MYBL2: variants seen among roughly 807,000 people sequenced by gnomAD.
The protein encoded by MYBL2 is myb-related protein B.
In MYBL2, 28 loss-of-function variants were observed where a neutral mutation model predicts 79.9. The ratio of observed to expected loss-of-function variants is 0.35; its 90% CI spans 0.26 to 0.48. MYBL2 has a LOEUF of 0.48. Among genes scored for constraint, MYBL2 ranks in the 20% least tolerant of loss-of-function variants. The probability of loss-of-function intolerance (pLI) is 0.99; values close to 1 mark genes in which losing one functional copy is unlikely to be tolerated. For missense variants in MYBL2, 735 were observed against 893.9 expected (o/e 0.82, Z 2.27); for synonymous variants, 378 against 361.2 (o/e 1.05, Z -0.53).
chr20:43,715,808 A>G (rs1403999353), intron 13 of MYBL2, 151 bp from the exon 14 acceptor site: 1 of 1,142,514 alleles, frequency 8.8e-7, no homozygotes, highest in Non-Finnish European at 1.2e-6. Context: ...TGACTTGTCC[A>G]GGGTCACAGG....
rs376622875 is a variant in MYBL2 at position 43,713,009 on chromosome 20, G to A, written c.1727G>A (p.Arg576Gln). Residue 576 changes from arginine (R) to glutamine (Q), a missense_variant, in exon 12 of 14, where the codon CGG becomes CAG. This residue lies in a region of MYBL2 where 204 missense variants were observed against 202.9 expected (regional missense o/e 1.01). Coordinates refer to ENST00000217026, the MANE Select transcript of MYBL2 (RefSeq NM_002466.4). ...CTATCTGCCAACCCCTAGCTGCGGC[G>A]GAGCCCCATCAAGAAAGTCCGGAAG... ...EKQKRKPGLR[R>Q]SPIKKVRKSL... The A allele has an allele frequency of 5.7e-5, 92 of 1,610,350 alleles. No individual in the cohort carries two copies. The highest frequency in any genetic ancestry group is 7.1e-5 in the Non-Finnish European group (84 of 1,178,204).
At chr20:43,683,437 C>G (rs1001183569) in intron 4 of MYBL2, among the ~76,000 whole-genome samples, 2 of 152,112 alleles carry the variant, frequency 1.3e-5, no homozygotes, top group Non-Finnish European at 2.9e-5. Flanking sequence ...CCATGACTGC[C>G]TGGGGCTACC....
At chr20:43,698,433 A>T (rs1987606164) in intron 6 of MYBL2, among the ~76,000 whole-genome samples, 1 of 126,590 alleles carries the variant, frequency 7.9e-6, no homozygotes, top group South Asian at 2.6e-4. Flanking sequence ...GCTGGAGTGC[A>T]GTGGCGCAGT....
At chr20:43,677,885 T>C (rs1233099240) in intron 2 of MYBL2, among the ~76,000 whole-genome samples, 2 of 152,176 alleles carry the variant, frequency 1.3e-5, no homozygotes, top group Non-Finnish European at 1.5e-5. Flanking sequence ...GGGGAAAAGA[T>C]TGAGAAATCG....
At chr20:43,694,016 C>T (rs917791277) in intron 6 of MYBL2, among the ~76,000 whole-genome samples, 4 of 152,038 alleles carry the variant, frequency 2.6e-5, no homozygotes, top group African/African-American at 9.7e-5. Context: ...CCACTGCACT[C>T]CAGCTTTTAT....
chr20:43,678,307 TAAATAAAG>T (rs60116706), intron 2 of MYBL2, among the ~76,000 whole-genome samples: 1,563 of 11,108 alleles, frequency 0.14, 21 homozygotes, highest in South Asian at 0.17. Context: ...AATAAAAAAA[TAAATAAAG>T]AAAGAAAGAA....
chr20:43,676,248 C>T (rs1987006876), intron 2 of MYBL2, among the ~76,000 whole-genome samples: 1 of 151,482 alleles, frequency 6.6e-6, no homozygotes, highest in African/African-American at 2.4e-5. Flanking sequence ...TCCTCATCCT[C>T]CTCCCACCCT....
chr20:43,696,898 T>A (rs1255152890), intron 6 of MYBL2, among the ~76,000 whole-genome samples: 3 of 152,302 alleles, frequency 2.0e-5, no homozygotes, highest in Non-Finnish European at 4.4e-5. Flanking sequence ...AGCTAATTTT[T>A]GTATTTTTAG....
chr20:43,711,656 G>C, intron 11 of MYBL2, 55 bp downstream of exon 11: 2 of 1,494,964 alleles, frequency 1.3e-6, no homozygotes, highest in South Asian at 1.2e-5. Flanking sequence ...GCCGTGGCAT[G>C]GGGGAGGCGT....
intron 4 of MYBL2, among the ~76,000 whole-genome samples, chr20:43,683,270 A>G (rs1987185495): frequency 6.6e-6 from 1 of 152,148 alleles, no homozygotes; most frequent in African/African-American, 2.4e-5. Flanking sequence ...TTTAATGATG[A>G]TTGCACCCTG....
chr20:43,681,376 A>C (rs1987138801), intron 2 of MYBL2, among the ~76,000 whole-genome samples: 1 of 152,168 alleles, frequency 6.6e-6, no homozygotes, highest in Admixed American at 6.6e-5. Flanking sequence ...TTTGCATGAT[A>C]GATGGTTGAA....
intron 5 of MYBL2, among the ~76,000 whole-genome samples, chr20:43,691,077 T>G (rs1987395072): frequency 6.6e-6 from 1 of 152,186 alleles, no homozygotes; most frequent in South Asian, 2.1e-4. Flanking sequence ...TCTTCTGACC[T>G]TCCAGATAAA....
intron 8 of MYBL2, among the ~76,000 whole-genome samples, chr20:43,703,646 T>G (rs780529772): frequency 5.9e-5 from 9 of 152,192 alleles, no homozygotes; most frequent in Non-Finnish European, 1.2e-4. Context: ...TAGGTATAAC[T>G]TAGGGCTTTG....
chr20:43,682,179 T>C (rs2145714243), intron 3 of MYBL2, among the ~76,000 whole-genome samples: 1 of 152,270 alleles, frequency 6.6e-6, no homozygotes, highest in South Asian at 2.1e-4. Flanking sequence ...ACAGTGAGAC[T>C]GAAACTGAGG....
chr20:43,680,775 G>C (rs2145712944), intron 2 of MYBL2, among the ~76,000 whole-genome samples: 1 of 152,318 alleles, frequency 6.6e-6, no homozygotes, highest in East Asian at 1.9e-4. Flanking sequence ...TTACAGGTGT[G>C]AGCCACTGCG....
intron 2 of MYBL2, among the ~76,000 whole-genome samples, chr20:43,675,313 G>GT (rs1400759244): frequency 1.1e-4 from 17 of 150,286 alleles, no homozygotes; most frequent in African/African-American, 4.2e-4. Flanking sequence ...AGTTTGATCA[G>GT]TTTTTTTTCT....
chr20:43,682,708 C>T, intron 3 of MYBL2, 86 bp from the exon 4 acceptor site: 1 of 1,257,050 alleles, frequency 8.0e-7, no homozygotes, highest in South Asian at 1.2e-5. Context: ...AGGCCATAGG[C>T]CCCTGAGCCT....
At chr20:43,673,569 C>G in intron 1 of MYBL2, 1 of 573,228 alleles carries the variant, frequency 1.7e-6, no homozygotes, top group East Asian at 3.8e-5. Context: ...TCCAGGAGTT[C>G]AAGGCTGCAG....
chr20:43,696,395 C>CATGCCTG (rs1210441778), intron 6 of MYBL2, among the ~76,000 whole-genome samples: 1 of 150,992 alleles, frequency 6.6e-6, no homozygotes, highest in Admixed American at 6.6e-5. Flanking sequence ...CATGTGCCAC[C>CATGCCTG]ATGCCTGGCT....
Sources: gnomAD v4.1 joint callset for allele counts (sites outside exome capture counted in the v4.1 genomes callset) on GRCh38, gnomAD v4.1.1 for gene constraint, gnomAD v4.1.1 regional missense constraint, MANE v1.5 for transcripts, NCBI Gene and HGNC (gene_info 2026-07-23, HGNC 2026-07-21) for gene names.